The following USH2A variants were observed in gnomAD, a reference collection of about 807,000 sequenced individuals.
USH2A encodes usherin.
In USH2A, 443 loss-of-function variants were observed where a neutral mutation model predicts 538.9. That is an observed-to-expected ratio of 0.82 (90% CI 0.76 to 0.89). The LOEUF is 0.89. Ranked by LOEUF, USH2A falls within the 40% of genes least tolerant of loss-of-function variation. The pLI is 0.00. For missense variants in USH2A, 6,633 were observed against 6,324.8 expected (o/e 1.05, Z -1.65); for synonymous variants, 2,413 against 2,273.5 (o/e 1.06, Z -1.75).
intron 48 of USH2A, among the ~76,000 whole-genome samples, chr1:215,815,396 G>T (rs1662829005): frequency 8.9e-6 from 1 of 112,776 alleles, no homozygotes; most frequent in Non-Finnish European, 1.8e-5. Flanking sequence ...TATAAAAGGT[G>T]ACCCGTATGA....
intron 21 of USH2A, among the ~76,000 whole-genome samples, chr1:216,150,561 C>A (rs995518024): frequency 6.6e-6 from 1 of 152,110 alleles, no homozygotes; most frequent in Non-Finnish European, 1.5e-5. Context: ...CAACATCTCC[C>A]GTCTCCCTAC....
chr1:216,000,309 A>G (rs1571877914), intron 33 of USH2A, 94 bp downstream of exon 33: 2 of 1,525,748 alleles, frequency 1.3e-6, no homozygotes, highest in East Asian at 2.3e-5. Flanking sequence ...TAATCACAAT[A>G]AAATTAATTT....
intron 55 of USH2A, among the ~76,000 whole-genome samples, chr1:215,774,648 T>C (rs2102755945): frequency 6.6e-6 from 1 of 152,164 alleles, no homozygotes; most frequent in African/African-American, 2.4e-5. Context: ...CAAAATGTGA[T>C]GTCAGGTGGC....
At position 216,084,869 on chromosome 1, in the gene USH2A, G is replaced by C. The variant is rs1156436327; in HGVS notation, c.4996C>G (p.Gln1666Glu). The C allele has an allele frequency of 5.6e-6, 9 of 1,612,772 alleles. No individual in the cohort carries two copies. In the East Asian group the frequency reaches 1.6e-4, roughly 28 times the overall value. The change falls in exon 25 of 72, where the codon CAA becomes GAA. Residue 1666 changes from glutamine to glutamate, a missense_variant. Coordinates refer to ENST00000307340, the MANE Select transcript of USH2A (RefSeq NM_206933.4). ...TTGAGACAGCCCACAAAACCTTTTTGGATTATCTCTGCAGGAGTTTATAGA... is the reference window on the plus strand; with the variant it reads ...TTGAGACAGCCCACAAAACCTTTTTCGATTATCTCTGCAGGAGTTTATAGA... Reference protein sequence around the residue: ...TILRKDPEIIQKGFVGCLKDV... With the variant: ...TILRKDPEIIEKGFVGCLKDV...
intron 58 of USH2A, among the ~76,000 whole-genome samples, chr1:215,750,124 G>A (rs1340765353): frequency 2.0e-5 from 3 of 152,142 alleles, no homozygotes; most frequent in African/African-American, 7.2e-5. Flanking sequence ...CGGTTTGATA[G>A]AGGCATTTGT....
chr1:215,648,561 C>A lies in USH2A; in HGVS notation c.14549G>T (p.Ser4850Ile). The A allele has an allele frequency of 6.2e-7, 1 of 1,614,158 alleles. No individual in the cohort carries two copies. The highest frequency in any genetic ancestry group is 8.5e-7 in the Non-Finnish European group (1 of 1,180,036). The change falls in exon 66 of 72, where the codon AGT becomes ATT. Residue 4850 changes from serine to isoleucine, a missense_variant. Physicochemically the swap from Ser to Ile is moderately radical, Grantham distance 142. Coordinates refer to ENST00000307340, the MANE Select transcript of USH2A (RefSeq NM_206933.4). ...LASRTASFRW[S>I]PPMFPNGVIH... is the part of the protein sequence containing the mutation. ...GACACCATTGGGGAACATGGGGGGACTCCACCGGAAGGAGGCCGTCCTTGA... is the reference window on the plus strand; with the variant it reads ...GACACCATTGGGGAACATGGGGGGAATCCACCGGAAGGAGGCCGTCCTTGA...
At chr1:215,633,988 C>CT (rs1558031228) in intron 70 of USH2A, among the ~76,000 whole-genome samples, 1 of 152,132 alleles carries the variant, frequency 6.6e-6, no homozygotes, top group African/African-American at 2.4e-5. Flanking sequence ...ACCACTAGCA[C>CT]TGTAGCCCCT....
chr1:216,123,170 T>TA (rs1244704146), intron 21 of USH2A, among the ~76,000 whole-genome samples: 6 of 152,314 alleles, frequency 3.9e-5, no homozygotes, highest in Non-Finnish European at 8.8e-5. Flanking sequence ...AGAACTGACT[T>TA]AAAAAAATCT....
chr1:215,976,446 T>A (rs1667621776), intron 35 of USH2A, among the ~76,000 whole-genome samples: 2 of 152,214 alleles, frequency 1.3e-5, no homozygotes, highest in Non-Finnish European at 2.9e-5. Context: ...TGGCTGTGGG[T>A]TTGTCATAGA....
In USH2A at chr1:216,114,984, C is replaced by G. The variant is rs547347416; in HGVS notation, c.4628-17771G>C. On this transcript the variant is annotated intron_variant, in intron 21 of 71. Coordinates refer to ENST00000307340, the MANE Select transcript of USH2A (RefSeq NM_206933.4). ...TATATATCTATCTGCATATAGATAT[C>G]TATTTATATCTGTATCCGTATGTAT... 1.8e-3 allele frequency among the ~76,000 whole-genome samples: 274 copies of G among 152,008 alleles called. 1 individual carries two copies. Among genetic ancestry groups the G allele is most frequent in the Non-Finnish European group, 2.8e-3 (191 of 67,982 alleles).
At chr1:216,243,632 C>T (rs1572085379) in intron 13 of USH2A, among the ~76,000 whole-genome samples, 2 of 152,086 alleles carry the variant, frequency 1.3e-5, no homozygotes, top group East Asian at 3.9e-4. Flanking sequence ...TTACCCCTGG[C>T]TAGAAATGGA....
At chr1:215,870,126 T>C (rs1433239015) in intron 43 of USH2A, among the ~76,000 whole-genome samples, 1 of 152,138 alleles carries the variant, frequency 6.6e-6, no homozygotes, top group Non-Finnish European at 1.5e-5. Context: ...TAGCTGGACA[T>C]AGGGTTTATT....
rs373865047 is a variant in USH2A at position 216,411,270 on chromosome 1, T to G, written c.651+7244A>C. Among the ~76,000 whole-genome samples, 45 of 152,266 alleles carry G rather than the reference T, an allele frequency of 3.0e-4. 1 individual carries two copies. The South Asian group carries it at 9.1e-3, about 31-fold the overall frequency. On this transcript the variant is annotated intron_variant, in intron 3 of 71. Transcript: ENST00000307340. ...CACTATTTGCTATGCATTTATGGAATGTTCTTATCAATTCTCTTTGCCCAG... is the reference window on the plus strand; with the variant it reads ...CACTATTTGCTATGCATTTATGGAAGGTTCTTATCAATTCTCTTTGCCCAG...
chr1:215,972,190 A>C (rs1361181211), intron 35 of USH2A, among the ~76,000 whole-genome samples: 1 of 152,130 alleles, frequency 6.6e-6, no homozygotes, highest in African/African-American at 2.4e-5. Flanking sequence ...CACTGTGAGG[A>C]GGACAGAAGC....
Position 215,782,886 on chromosome 1 carries a change from CCA to C in USH2A, c.10435_10436del (p.Trp3479GlufsTer35). 10 of 1,613,686 alleles carry C rather than the reference CCA, an allele frequency of 6.2e-6. No individual in the cohort carries two copies. The highest frequency in any genetic ancestry group is 8.5e-6 in the Non-Finnish European group (10 of 1,179,840). ...YMTYEYRISAWNSYGRGLSKA... is the reference protein window; with the variant it reads ...YMTYEYRISAXNSYGRGLSKA... Reference sequence around the variant, plus strand: ...TGCTGAGTCCTCGCCCATAGCTGTTCCAGGCAGAAATCCTGTACTCATATGTC... The same window carrying C: ...TGCTGAGTCCTCGCCCATAGCTGTTCGGCAGAAATCCTGTACTCATATGTC... On this transcript the variant is annotated frameshift_variant, in exon 53 of 72. Transcript: ENST00000307340. LOFTEE classifies it high-confidence loss of function.
Position 216,422,142 on chromosome 1 carries a change from A to C in USH2A, c.195T>G (p.Thr65=), listed in dbSNP as rs781716685. 9.3e-6 allele frequency: 15 copies of C among 1,613,732 alleles called. No individual in the cohort carries two copies. ...CAGCAGCAGCAGAGCTGTGACAAAA[A>C]GTGCTTCGGTCTGGGAGTCCACATA... ...QAVCGLPDRS[T]FCHSSAAAES... The change falls in exon 2 of 72, where the codon ACT becomes ACG. Residue 65 remains threonine, a synonymous_variant. Transcript: ENST00000307340.
At chr1:215,738,715 G>A (rs1189149403) in intron 60 of USH2A, among the ~76,000 whole-genome samples, 2 of 152,038 alleles carry the variant, frequency 1.3e-5, no homozygotes, top group African/African-American at 4.8e-5. Context: ...ATTTACAAGT[G>A]GGCTTCCTGC....
intron 19 of USH2A, among the ~76,000 whole-genome samples, chr1:216,195,381 A>G (rs910541732): frequency 1.3e-5 from 2 of 152,072 alleles, no homozygotes; most frequent in Admixed American, 6.6e-5. Context: ...AAGAATGTGG[A>G]AAAAAAGCAG....
chr1:215,784,502 GA>G (rs5780853), intron 52 of USH2A, among the ~76,000 whole-genome samples: 80,083 of 152,016 alleles, frequency 0.53, 22,661 homozygotes, highest in African/African-American at 0.74. Context: ...AAATCTCAAT[GA>G]AAAATTATTG....
Sources: gnomAD v4.1 joint callset for allele counts (sites outside exome capture counted in the v4.1 genomes callset) on GRCh38, gnomAD v4.1.1 for gene constraint, MANE v1.5 for transcripts, NCBI Gene and HGNC (gene_info 2026-07-23, HGNC 2026-07-21) for gene names.